The following MAML2 variants were observed in gnomAD, a reference collection of about 807,000 sequenced individuals.
The protein encoded by MAML2 is mastermind like transcriptional coactivator 2, also known as mastermind-like protein 2.
MAML2 carries 22 observed loss-of-function variants against 96.1 expected under a neutral mutation model. The ratio of observed to expected loss-of-function variants is 0.23; its 90% CI spans 0.16 to 0.33. The LOEUF is 0.33. Among genes scored for constraint, MAML2 ranks in the 10% least tolerant of loss-of-function variants. The pLI, the probability that MAML2 is intolerant of heterozygous loss-of-function variation, is 1.00. For synonymous variants in MAML2, 561 were observed against 521.3 expected (o/e 1.08, Z -1.04); for missense variants, 1,367 against 1,392.4 (o/e 0.98, Z 0.29).
At chr11:95,985,095 G>T (rs1857805079) in intron 4 of MAML2, among the ~76,000 whole-genome samples, 1 of 152,138 alleles carries the variant, frequency 6.6e-6, no homozygotes, top group Admixed American at 6.6e-5. Flanking sequence ...AGTATTCCTT[G>T]GTGGCAGGAC....
At chr11:96,148,314 G>C (rs1368469468) in intron 1 of MAML2, among the ~76,000 whole-genome samples, 1 of 152,162 alleles carries the variant, frequency 6.6e-6, no homozygotes, top group Admixed American at 6.5e-5. Flanking sequence ...AGATAAAACA[G>C]AAGGTCTGAT....
chr11:96,240,034 A>C (rs1005093434), intron 1 of MAML2, among the ~76,000 whole-genome samples: 6 of 152,220 alleles, frequency 3.9e-5, no homozygotes, highest in Admixed American at 6.5e-5. Flanking sequence ...GTCTATGAGA[A>C]TATATTAACT....
intron 1 of MAML2, among the ~76,000 whole-genome samples, chr11:96,204,872 C>T (rs1861874817): frequency 6.6e-6 from 1 of 152,182 alleles, no homozygotes; most frequent in Non-Finnish European, 1.5e-5. Context: ...CCTTTCTCCT[C>T]TCATCATTGC....
intron 2 of MAML2, among the ~76,000 whole-genome samples, chr11:96,047,132 A>T (rs889205785): frequency 5.3e-5 from 8 of 152,174 alleles, no homozygotes; most frequent in Non-Finnish European, 8.8e-5. Flanking sequence ...CTCAGTTTCC[A>T]ACTGACAGGA....
chr11:96,194,040 A>G lies in MAML2; in HGVS notation c.514-100523T>C, dbSNP rs551801304. Reference sequence around the variant, plus strand: ...TTACTGTTTGTCTAAGTGGAACTCAATGAGACAAAGCATAGGCCTATCCGT... The same window carrying G: ...TTACTGTTTGTCTAAGTGGAACTCAGTGAGACAAAGCATAGGCCTATCCGT... On this transcript the variant is annotated intron_variant, in intron 1 of 4. Transcript: ENST00000524717. Among the ~76,000 whole-genome samples, 84 of 152,362 alleles carry G rather than the reference A, an allele frequency of 5.5e-4. 1 individual carries two copies. The highest frequency in any genetic ancestry group is 1.4e-3 in the African/African-American group (59 of 41,588).
intron 1 of MAML2, among the ~76,000 whole-genome samples, chr11:96,314,043 A>G (rs1388546482): frequency 6.6e-6 from 1 of 152,168 alleles, no homozygotes; most frequent in African/African-American, 2.4e-5. Context: ...TCTTCTCCCC[A>G]TAGGGTCTTT....
chr11:96,017,052 C>G (rs1402362281), intron 2 of MAML2, among the ~76,000 whole-genome samples: 2 of 152,102 alleles, frequency 1.3e-5, no homozygotes, highest in African/African-American at 4.8e-5. Flanking sequence ...AATAATAATA[C>G]TCAACATGTA....
At chr11:96,175,985 G>A (rs902656987) in intron 1 of MAML2, among the ~76,000 whole-genome samples, 3 of 152,078 alleles carry the variant, frequency 2.0e-5, no homozygotes, top group Non-Finnish European at 4.4e-5. Context: ...GAGAATAGGA[G>A]CATAGGGAAA....
At chr11:96,294,817 T>C (rs575361987) in intron 1 of MAML2, among the ~76,000 whole-genome samples, 1 of 152,306 alleles carries the variant, frequency 6.6e-6, no homozygotes, top group East Asian at 1.9e-4. Context: ...AAAATGAGGC[T>C]CAGGGAGGCT....
intron 1 of MAML2, among the ~76,000 whole-genome samples, chr11:96,141,509 A>G (rs1860729662): frequency 6.6e-6 from 1 of 152,096 alleles, no homozygotes; most frequent in South Asian, 2.1e-4. Context: ...TGGAGAAGAG[A>G]AATCCCACCA....
At chr11:96,296,925 C>G (rs1415623822) in intron 1 of MAML2, among the ~76,000 whole-genome samples, 1 of 152,196 alleles carries the variant, frequency 6.6e-6, no homozygotes, top group Non-Finnish European at 1.5e-5. Flanking sequence ...TCTGTTTGCT[C>G]AGTCATTTAG....
In MAML2 at chr11:96,072,038, G is replaced by A. The variant is rs145418209; in HGVS notation, c.2139+19854C>T. 9.9e-5 allele frequency among the ~76,000 whole-genome samples: 15 copies of A among 152,244 alleles called. 1 individual carries two copies. The South Asian group carries it at 1.2e-3, about 13-fold the overall frequency. ...TATTTTTTTTAAAGTTAGGTGGGGC[G>A]TAAGATTTTACAGGATGTAGAAATG... On this transcript the variant is annotated intron_variant, in intron 2 of 4. Coordinates refer to ENST00000524717, the MANE Select transcript of MAML2 (RefSeq NM_032427.4).
At chr11:96,034,227 C>A (rs566830156) in intron 2 of MAML2, among the ~76,000 whole-genome samples, 1 of 152,254 alleles carries the variant, frequency 6.6e-6, no homozygotes, top group East Asian at 1.9e-4. Flanking sequence ...GAGGGGAATG[C>A]GTCTCATAAA....
chr11:96,072,308 T>A (rs1249160149), intron 2 of MAML2, among the ~76,000 whole-genome samples: 1 of 152,200 alleles, frequency 6.6e-6, no homozygotes, highest in African/African-American at 2.4e-5. Context: ...ATGTTTCTTA[T>A]ACAATATTAC....
chr11:96,164,090 G>C (rs938135436), intron 1 of MAML2, among the ~76,000 whole-genome samples: 3 of 151,720 alleles, frequency 2.0e-5, no homozygotes, highest in African/African-American at 7.3e-5. Context: ...TGGCCAAGCT[G>C]GTCTCGAACT....
chr11:96,279,016 T>A (rs1207667454), intron 1 of MAML2, among the ~76,000 whole-genome samples: 4 of 152,042 alleles, frequency 2.6e-5, no homozygotes, highest in African/African-American at 9.7e-5. Flanking sequence ...ACTGGGTGAT[T>A]ATAGAACTGA....
chr11:96,262,390 G>T (rs1366405103), intron 1 of MAML2, among the ~76,000 whole-genome samples: 1 of 151,864 alleles, frequency 6.6e-6, no homozygotes, highest in South Asian at 2.1e-4. Flanking sequence ...ATTCTCCCAA[G>T]ATTTTGATTA....
At chr11:96,288,542 C>CA (rs60166307) in intron 1 of MAML2, among the ~76,000 whole-genome samples, 4,192 of 83,400 alleles carry the variant, frequency 0.05, 175 homozygotes, top group African/African-American at 0.13. Flanking sequence ...GACTCTGTCT[C>CA]AAAAAAAAAA....
At chr11:96,041,478 AAAAG>A (rs1858808370) in intron 2 of MAML2, among the ~76,000 whole-genome samples, 1 of 148,130 alleles carries the variant, frequency 6.8e-6, no homozygotes, top group South Asian at 2.3e-4. Context: ...AGACTCCATA[AAAAG>A]AAAGAAAGAA....
Sources: allele counts gnomAD v4.1 joint callset (sites outside exome capture counted in the v4.1 genomes callset), GRCh38; gene constraint gnomAD v4.1.1; transcripts MANE v1.5; gene names NCBI Gene and HGNC (gene_info 2026-07-23, HGNC 2026-07-21).